DPP10: variants seen among roughly 807,000 people sequenced by gnomAD.
DPP10 encodes the protein inactive dipeptidyl peptidase 10.
DPP10 carries 33 observed loss-of-function variants against 120.9 expected under a neutral mutation model. The observed-to-expected ratio is 0.27, with a 90% confidence interval of 0.21 to 0.37. The LOEUF (loss-of-function observed/expected upper bound fraction) is 0.37, where lower values mean the gene tolerates loss of function less well. DPP10 is among the 10% of genes least tolerant of loss of function. The probability of loss-of-function intolerance (pLI) is 1.00; values close to 1 mark genes in which losing one functional copy is unlikely to be tolerated. For missense variants in DPP10, 816 were observed against 942.8 expected (o/e 0.87, Z 1.76); for synonymous variants, 337 against 326.1 (o/e 1.03, Z -0.36).
intron 5 of DPP10, among the ~76,000 whole-genome samples, chr2:115,538,808 T>C (rs1248459020): frequency 1.3e-5 from 2 of 152,014 alleles, no homozygotes; most frequent in Non-Finnish European, 2.9e-5. Flanking sequence ...CATGTGTCTA[T>C]TGAGGACTTG....
At chr2:114,678,223 T>TA (rs1698795318) in intron 1 of DPP10, among the ~76,000 whole-genome samples, 1 of 152,084 alleles carries the variant, frequency 6.6e-6, no homozygotes, top group South Asian at 2.1e-4. Context: ...TAATTGATGA[T>TA]AAAACCATGA....
At chr2:115,012,137 C>A (rs966700049) in intron 1 of DPP10, among the ~76,000 whole-genome samples, 1 of 152,028 alleles carries the variant, frequency 6.6e-6, no homozygotes, top group Admixed American at 6.5e-5. Context: ...AAGCAAGCCC[C>A]GCCCAAGGAG....
At chr2:114,892,972 T>C (rs1019371713) in intron 1 of DPP10, among the ~76,000 whole-genome samples, 6 of 152,170 alleles carry the variant, frequency 3.9e-5, no homozygotes, top group Admixed American at 2.6e-4. Context: ...CCAATGCTCA[T>C]TTGACACAAA....
intron 5 of DPP10, among the ~76,000 whole-genome samples, chr2:115,560,167 G>A (rs1018792053): frequency 4.7e-5 from 7 of 150,074 alleles, no homozygotes; most frequent in South Asian, 2.1e-4. Context: ...TCAAAAGATC[G>A]AGACCATCCT....
chr2:114,821,158 C>T (rs1006958643), intron 1 of DPP10, among the ~76,000 whole-genome samples: 8 of 152,112 alleles, frequency 5.3e-5, no homozygotes, highest in African/African-American at 1.9e-4. Flanking sequence ...ATAGGGCTCA[C>T]GGGATTGGTT....
intron 1 of DPP10, among the ~76,000 whole-genome samples, chr2:114,553,453 G>C (rs188736952): frequency 6.6e-6 from 1 of 152,202 alleles, no homozygotes; most frequent in African/African-American, 2.4e-5. Context: ...TAACAATGCT[G>C]TCCCTCTAAC....
chr2:114,532,256 CATATATATATATATATATATAT>C (rs66716319), intron 1 of DPP10, among the ~76,000 whole-genome samples: 919 of 86,308 alleles, frequency 0.011, 37 homozygotes, highest in South Asian at 0.062. Context: ...AATAAATCTC[CATATATATATATATATATATAT>C]ATATATATAT....
intron 1 of DPP10, among the ~76,000 whole-genome samples, chr2:114,538,248 C>G (rs1182597480): frequency 2.0e-5 from 3 of 152,160 alleles, no homozygotes; most frequent in Non-Finnish European, 2.9e-5. Flanking sequence ...TGTGTTTGCT[C>G]TGCTTGATGA....
intron 2 of DPP10, among the ~76,000 whole-genome samples, chr2:115,335,111 G>A (rs2106202355): frequency 6.6e-6 from 1 of 151,998 alleles, no homozygotes; most frequent in East Asian, 1.9e-4. Flanking sequence ...GAGGCAAAAA[G>A]AAACCTTGTG....
chr2:114,966,261 A>C (rs889553656), intron 1 of DPP10, among the ~76,000 whole-genome samples: 4 of 152,052 alleles, frequency 2.6e-5, no homozygotes, highest in African/African-American at 9.7e-5. Context: ...TTAAAATTTG[A>C]TCCCAAATGT....
At chr2:115,693,064 G>C (rs2091403073) in intron 7 of DPP10, among the ~76,000 whole-genome samples, 1 of 152,080 alleles carries the variant, frequency 6.6e-6, no homozygotes, top group East Asian at 1.9e-4. Context: ...AAAAAGGTTA[G>C]TGATTTAAAA....
chr2:115,664,107 A>G (rs1391535172), intron 5 of DPP10, among the ~76,000 whole-genome samples: 1 of 151,970 alleles, frequency 6.6e-6, no homozygotes, highest in African/African-American at 2.4e-5. Flanking sequence ...TTGGTAAGTC[A>G]TTTCATTTTA....
At chr2:115,406,129 A>G (rs934400351) in intron 3 of DPP10, among the ~76,000 whole-genome samples, 2 of 152,236 alleles carry the variant, frequency 1.3e-5, no homozygotes, top group African/African-American at 4.8e-5. Flanking sequence ...AGTTAGAAGT[A>G]ACCAGGCAGC....
intron 1 of DPP10, among the ~76,000 whole-genome samples, chr2:115,080,844 T>C (rs760132950): frequency 7.9e-5 from 12 of 152,198 alleles, no homozygotes; most frequent in Non-Finnish European, 1.2e-4. Context: ...CCTCTCAACA[T>C]TGTTGCTCTG....
chr2:115,022,493 A>T (rs1438246625), intron 1 of DPP10, among the ~76,000 whole-genome samples: 1 of 152,134 alleles, frequency 6.6e-6, no homozygotes, highest in Non-Finnish European at 1.5e-5. Flanking sequence ...TGCTGAAAGA[A>T]AACATAGATG....
At chr2:114,804,553 C>A (rs1039044215) in intron 1 of DPP10, among the ~76,000 whole-genome samples, 1 of 152,178 alleles carries the variant, frequency 6.6e-6, no homozygotes, top group Non-Finnish European at 1.5e-5. Flanking sequence ...CTTGCATCAG[C>A]GTGACCTGGA....
At chr2:115,156,407 A>T (rs2051914758) in intron 1 of DPP10, among the ~76,000 whole-genome samples, 1 of 152,200 alleles carries the variant, frequency 6.6e-6, no homozygotes, top group Non-Finnish European at 1.5e-5. Context: ...CTTGTTTTCT[A>T]GGGGAAAATT....
intron 1 of DPP10, among the ~76,000 whole-genome samples, chr2:115,020,606 A>G (rs1703000093): frequency 1.3e-5 from 2 of 152,136 alleles, no homozygotes; most frequent in Admixed American, 1.3e-4. Context: ...CAGGTCATCA[A>G]GACAGAAACT....
chr2:115,651,746 G>A (rs535549000), intron 5 of DPP10, among the ~76,000 whole-genome samples: 16 of 152,104 alleles, frequency 1.1e-4, no homozygotes, highest in East Asian at 9.7e-4. Context: ...TCTAGCTTCC[G>A]TTTATACTGA....
Sources: allele counts gnomAD v4.1 joint callset (sites outside exome capture counted in the v4.1 genomes callset), GRCh38; gene constraint gnomAD v4.1.1; transcripts MANE v1.5; gene names NCBI Gene and HGNC (gene_info 2026-07-23, HGNC 2026-07-21).